Variants in C12orf42 observed in about 807,000 individuals in gnomAD.
The protein encoded by C12orf42 is uncharacterized protein C12orf42.
Under a neutral mutation model 21.6 loss-of-function variants are expected in C12orf42, and 25 were observed. That is an observed-to-expected ratio of 1.16 (90% CI 0.84 to 1.62). The LOEUF is 1.62. C12orf42 is among the 40% of genes most tolerant of loss of function. C12orf42 has a pLI of 0.00. For synonymous variants in C12orf42, 174 were observed against 175.0 expected, an observed-to-expected ratio of 0.99 and a Z score of 0.05; for missense variants, 483 against 459.3, an observed-to-expected ratio of 1.05 and a Z score of -0.47.
At chr12:103,067,221 T>G in the C12orf42 span, among the ~76,000 whole-genome samples, 29 of 152,254 alleles carry the variant, frequency 1.9e-4, no homozygotes, top group African/African-American at 6.3e-4. Context: ...TTGCCTATCC[T>G]GCACCCAATG....
intron 4 of C12orf42, among the ~76,000 whole-genome samples, chr12:103,287,708 TAAA>T (rs1213203462): frequency 9.0e-6 from 1 of 111,348 alleles, no homozygotes; most frequent in Non-Finnish European, 2.0e-5. Flanking sequence ...AGTATAATAA[TAAA>T]AAAAAAAAAC....
chr12:103,484,792 T>C (rs2138106415), intron 1 of C12orf42, among the ~76,000 whole-genome samples: 1 of 152,020 alleles, frequency 6.6e-6, no homozygotes, highest in East Asian at 1.9e-4. Flanking sequence ...TGGTTTCAGG[T>C]CTAACATTTA....
At chr12:103,465,196 T>A (rs1295096834) in intron 2 of C12orf42, among the ~76,000 whole-genome samples, 1 of 152,196 alleles carries the variant, frequency 6.6e-6, no homozygotes, top group Non-Finnish European at 1.5e-5. Context: ...TTGAGTAGTA[T>A]GGCCATTTTC....
chr12:103,405,451 C>G (rs959524243), intron 2 of C12orf42, among the ~76,000 whole-genome samples: 1 of 152,064 alleles, frequency 6.6e-6, no homozygotes, highest in Non-Finnish European at 1.5e-5. Context: ...AGAAGGGGGT[C>G]TTCAGATGAG....
At chr12:103,315,840 T>C (rs1369775529) in intron 4 of C12orf42, among the ~76,000 whole-genome samples, 1 of 151,998 alleles carries the variant, frequency 6.6e-6, no homozygotes, top group Non-Finnish European at 1.5e-5. Flanking sequence ...GTTTTGAACA[T>C]CGCTAAGAGG....
At chr12:103,327,058 TAAGA>T (rs1326910453) in intron 4 of C12orf42, among the ~76,000 whole-genome samples, 8 of 152,162 alleles carry the variant, frequency 5.3e-5, no homozygotes, top group Non-Finnish European at 7.3e-5. Context: ...TGTAGGAGTA[TAAGA>T]AATAGTTACA....
chr12:103,552,042 T>TA, the C12orf42 span, among the ~76,000 whole-genome samples: 1 of 151,412 alleles, frequency 6.6e-6, no homozygotes, highest in African/African-American at 2.4e-5. Context: ...CTTTTTTTTT[T>TA]AACTTAAACT....
At chr12:103,294,425 A>AAAG (rs1465805169) in intron 4 of C12orf42, among the ~76,000 whole-genome samples, 1,688 of 102,262 alleles carry the variant, frequency 0.017, 11 homozygotes, top group East Asian at 0.042. Flanking sequence ...GAGAAAGGAG[A>AAAG]GAGAGAAAGA....
At chr12:103,518,968 T>A in the C12orf42 span, among the ~76,000 whole-genome samples, 1 of 152,216 alleles carries the variant, frequency 6.6e-6, no homozygotes, top group African/African-American at 2.4e-5. Context: ...AATCTCACCT[T>A]GAATTGTAAT....
At chr12:103,550,079 T>C in the C12orf42 span, among the ~76,000 whole-genome samples, 1 of 152,062 alleles carries the variant, frequency 6.6e-6, no homozygotes, top group African/African-American at 2.4e-5. Context: ...TACATATAAA[T>C]ATAATAAATA....
chr12:103,147,469 A>AT, the C12orf42 span, among the ~76,000 whole-genome samples: 6 of 136,990 alleles, frequency 4.4e-5, no homozygotes, highest in Non-Finnish European at 6.4e-5. Flanking sequence ...ACAGAGGTTA[A>AT]TTTTTTTTAA....
chr12:103,306,236 G>C lies in C12orf42; in HGVS notation c.369C>G (p.Ser123Arg), dbSNP rs751508320. 6.2e-7 allele frequency: 1 copy of C among 1,613,854 alleles called. No homozygotes were observed. Among genetic ancestry groups the C allele is most frequent in the Non-Finnish European group, 8.5e-7 (1 of 1,179,852 alleles). ...SVSTVSFDEE[S>R]YEEFRSSPAP... ...CTGGAGAGGAACGGAATTCTTCATA[G>C]CTTTCTTCATCAAAAGAAACTGTGC... The change falls in exon 5 of 6, where the codon AGC (serine) becomes AGG (arginine). Residue 123 changes from serine (S) to arginine (R), a missense_variant. Coordinates refer to ENST00000548883, the MANE Select transcript of C12orf42 (RefSeq NM_198521.5).
chr12:103,327,144 C>T (rs927557352), intron 4 of C12orf42, among the ~76,000 whole-genome samples: 2 of 152,124 alleles, frequency 1.3e-5, no homozygotes, highest in South Asian at 2.1e-4. Flanking sequence ...CTGGAATACT[C>T]GGGCTGGGAC....
chr12:103,463,170 G>A (rs1422142728), intron 2 of C12orf42, among the ~76,000 whole-genome samples: 1 of 152,106 alleles, frequency 6.6e-6, no homozygotes, highest in Non-Finnish European at 1.5e-5. Flanking sequence ...CGTAGCTATT[G>A]GACTATTACA....
At chr12:103,140,101 C>T in the C12orf42 span, among the ~76,000 whole-genome samples, 2 of 152,186 alleles carry the variant, frequency 1.3e-5, no homozygotes, top group African/African-American at 4.8e-5. Context: ...GAAACAGAAA[C>T]AGTGGCCTCT....
At chr12:103,390,152 C>T (rs546062280) in intron 3 of C12orf42, among the ~76,000 whole-genome samples, 2 of 152,276 alleles carry the variant, frequency 1.3e-5, no homozygotes, top group South Asian at 4.2e-4. Flanking sequence ...AGAGATCTGT[C>T]TTTCCTCCCT....
chr12:103,247,856 A>G (rs2034087988), intron 10 of C12orf42, among the ~76,000 whole-genome samples: 1 of 152,086 alleles, frequency 6.6e-6, no homozygotes. Context: ...AGTAGCTAAT[A>G]GCTATTAAAT....
chr12:103,531,987 C>T, the C12orf42 span, among the ~76,000 whole-genome samples: 4 of 152,146 alleles, frequency 2.6e-5, no homozygotes, highest in Admixed American at 2.6e-4. Context: ...GCTGCAATGG[C>T]CTATCTGTAA....
chr12:103,143,621 A>T, the C12orf42 span, among the ~76,000 whole-genome samples: 1 of 152,200 alleles, frequency 6.6e-6, no homozygotes, highest in Non-Finnish European at 1.5e-5. Flanking sequence ...ATGTGAGAGG[A>T]ATGAAAAGTC....
Sources: allele counts gnomAD v4.1 joint callset (sites outside exome capture counted in the v4.1 genomes callset), GRCh38; gene constraint gnomAD v4.1.1; transcripts MANE v1.5; gene names NCBI Gene and HGNC (gene_info 2026-07-23, HGNC 2026-07-21).